FMN2: variants seen among roughly 807,000 people sequenced by gnomAD.
FMN2 encodes formin-2.
FMN2 carries 51 observed loss-of-function variants against 142.3 expected under a neutral mutation model. That is an observed-to-expected ratio of 0.36 (90% confidence interval 0.29 to 0.45). FMN2 has a LOEUF of 0.45. Among genes scored for constraint, FMN2 ranks in the 20% least tolerant of loss-of-function variants. The pLI is 1.00. For missense variants in FMN2, 1,936 were observed against 2,122.8 expected (o/e 0.91, Z 1.73); for synonymous variants, 882 against 869.8 (o/e 1.01, Z -0.25).
Position 240,121,671 on chromosome 1 carries a change from G to A in FMN2, c.1616-1508G>A, listed in dbSNP as rs1483999400. ...CCCAAAGTGCTGGGATTACAGGGGT[G>A]AGCCACCGCGCCTGGCCCAGTGTCT... On this transcript the variant is annotated intron_variant, in intron 1 of 17. Transcript: ENST00000319653. Among the ~76,000 whole-genome samples the A allele has an allele frequency of 2.1e-5, 3 of 140,390 alleles. No individual in the cohort carries two copies. The East Asian group carries it at 6.4e-4, about 30-fold the overall frequency. 92.1% of individuals were successfully genotyped at this position (140,390 alleles called of 152,430 possible).
chr1:240,381,043 C>G (rs1673209146), intron 14 of FMN2, among the ~76,000 whole-genome samples: 1 of 151,788 alleles, frequency 6.6e-6, no homozygotes, highest in South Asian at 2.1e-4. Flanking sequence ...CAAAAATAAG[C>G]CCAGAACCAG....
chr1:240,310,999 TG>T (rs1315047140), intron 8 of FMN2, among the ~76,000 whole-genome samples: 1 of 151,674 alleles, frequency 6.6e-6, no homozygotes, highest in African/African-American at 2.4e-5. Context: ...GCAGTTCAAC[TG>T]AAGAAAAATA....
At chr1:240,127,226 C>G (rs925903861) in intron 2 of FMN2, among the ~76,000 whole-genome samples, 1 of 151,430 alleles carries the variant, frequency 6.6e-6, no homozygotes, top group Non-Finnish European at 1.5e-5. Flanking sequence ...TGGGTTCAAG[C>G]AATTTCTAGC....
intron 2 of FMN2, among the ~76,000 whole-genome samples, chr1:240,159,992 C>T (rs1664213872): frequency 6.8e-6 from 1 of 146,534 alleles, no homozygotes; most frequent in African/African-American, 2.5e-5. Flanking sequence ...CACACACACA[C>T]ACACACATAC....
At chr1:240,195,585 A>G (rs1665882179) in intron 4 of FMN2, among the ~76,000 whole-genome samples, 1 of 152,248 alleles carries the variant, frequency 6.6e-6, no homozygotes, top group Admixed American at 6.5e-5. Flanking sequence ...GGTTGACAAA[A>G]ATGTGACCAG....
chr1:240,314,336 G>A (rs768151195), intron 8 of FMN2, among the ~76,000 whole-genome samples: 1 of 152,070 alleles, frequency 6.6e-6, no homozygotes, highest in Non-Finnish European at 1.5e-5. Flanking sequence ...TGAAAGGAGA[G>A]AAAGGGAGAA....
intron 15 of FMN2, among the ~76,000 whole-genome samples, chr1:240,434,402 G>A (rs914795844): frequency 2.0e-5 from 3 of 152,002 alleles, no homozygotes; most frequent in African/African-American, 4.8e-5. Flanking sequence ...GGTCTCTTTC[G>A]TGTTATGCAA....
At chr1:240,148,977 A>AT (rs1553332907) in intron 2 of FMN2, among the ~76,000 whole-genome samples, 44 of 150,164 alleles carry the variant, frequency 2.9e-4, no homozygotes, top group African/African-American at 1.0e-3. Flanking sequence ...GTCTCAAAAA[A>AT]AAATAAATAA....
At chr1:240,438,288 CG>C in intron 16 of FMN2, 78 bp downstream of exon 16, 1 of 1,468,184 alleles carries the variant, frequency 6.8e-7, no homozygotes, top group Non-Finnish European at 9.2e-7. Flanking sequence ...TGCCAATTTT[CG>C]TAGCCTGAAG....
chr1:240,130,078 T>C (rs191216308), intron 2 of FMN2, among the ~76,000 whole-genome samples: 2 of 152,320 alleles, frequency 1.3e-5, no homozygotes, highest in East Asian at 3.9e-4. Flanking sequence ...GAGCCCTGTT[T>C]ACCTCCCAGC....
chr1:240,154,478 T>A (rs1336927551), intron 2 of FMN2, among the ~76,000 whole-genome samples: 1 of 152,230 alleles, frequency 6.6e-6, no homozygotes, highest in African/African-American at 2.4e-5. Flanking sequence ...TCCTGACACA[T>A]TGAAGAAATG....
intron 8 of FMN2, among the ~76,000 whole-genome samples, chr1:240,305,942 T>C (rs993337327): frequency 6.9e-6 from 1 of 145,460 alleles, no homozygotes; most frequent in Non-Finnish European, 1.5e-5. Context: ...AGACTAGATA[T>C]GCTTGTAAGT....
At chr1:240,424,090 G>T (rs1232263554) in intron 15 of FMN2, among the ~76,000 whole-genome samples, 1 of 152,180 alleles carries the variant, frequency 6.6e-6, no homozygotes, top group Admixed American at 6.5e-5. Context: ...TTGCTTAACT[G>T]TTGATTCTGA....
At chr1:240,228,578 G>C (rs141143654) in intron 6 of FMN2, among the ~76,000 whole-genome samples, 7 of 151,890 alleles carry the variant, frequency 4.6e-5, no homozygotes, top group African/African-American at 1.7e-4. Context: ...CTCATACACC[G>C]CTGGTGGAAA....
chr1:240,143,073 C>A, intron 2 of FMN2: 1 of 1,513,094 alleles, frequency 6.6e-7, no homozygotes. Context: ...GGTAAGTGTA[C>A]CCTTCCCTAA....
chr1:240,183,681 T>C (rs1665249266), intron 3 of FMN2, among the ~76,000 whole-genome samples: 1 of 151,886 alleles, frequency 6.6e-6, no homozygotes, highest in Non-Finnish European at 1.5e-5. Context: ...CTCAGTACTA[T>C]TAAATAATCA....
At chr1:240,142,595 G>C in intron 2 of FMN2, 1 of 1,434,098 alleles carries the variant, frequency 7.0e-7, no homozygotes. Context: ...GTCTGCAGCT[G>C]TGTCCACCCT....
At chr1:240,472,943 CA>C (rs372290294) in intron 17 of FMN2, among the ~76,000 whole-genome samples, 1,216 of 90,640 alleles carry the variant, frequency 0.013, 9 homozygotes, top group East Asian at 0.058. Context: ...GACTTTGTCT[CA>C]AAAAAAAAAA....
chr1:240,265,923 T>G (rs1572134083), intron 7 of FMN2, among the ~76,000 whole-genome samples: 2 of 151,180 alleles, frequency 1.3e-5, no homozygotes, highest in Non-Finnish European at 2.9e-5. Context: ...GTTTGTTTTT[T>G]TTTTTTTTTC....
Sources: allele counts gnomAD v4.1 joint callset (sites outside exome capture counted in the v4.1 genomes callset), GRCh38; gene constraint gnomAD v4.1.1; transcripts MANE v1.5; gene names NCBI Gene and HGNC (gene_info 2026-07-23, HGNC 2026-07-21).